Variants in MBD5 observed in about 807,000 individuals in gnomAD.
MBD5 encodes methyl-CpG-binding domain protein 5.
In MBD5, 13 loss-of-function variants were observed where a neutral mutation model predicts 117.3. That is an observed-to-expected ratio of 0.11 (90% CI 0.07 to 0.18). The LOEUF (loss-of-function observed/expected upper bound fraction) is 0.18. Among genes scored for constraint, MBD5 ranks in the 10% least tolerant of loss-of-function variants. MBD5 has a pLI of 1.00. For synonymous variants in MBD5, 727 were observed against 766.4 expected (o/e 0.95, Z 0.85); for missense variants, 1,879 against 2,093.8 (o/e 0.90, Z 2.00).
chr2:148,126,074 CCAGCCAGTG>C (rs1240973909), intron 1 of MBD5, among the ~76,000 whole-genome samples: 1 of 151,998 alleles, frequency 6.6e-6, no homozygotes, highest in East Asian at 1.9e-4. Context: ...TGTTTACTAG[CCAGCCAGTG>C]CATCATGGAG....
chr2:148,435,684 T>C (rs1387996571), intron 4 of MBD5, among the ~76,000 whole-genome samples: 3 of 152,162 alleles, frequency 2.0e-5, no homozygotes, highest in Non-Finnish European at 2.9e-5. Context: ...TTTTTTTCTC[T>C]CATTTCAACC....
intron 2 of MBD5, among the ~76,000 whole-genome samples, chr2:148,231,263 G>C (rs7570104): frequency 6.6e-6 from 1 of 151,890 alleles, no homozygotes; most frequent in Non-Finnish European, 1.5e-5. Context: ...GGCTAAACAG[G>C]CCTGGTTAAA....
intron 4 of MBD5, among the ~76,000 whole-genome samples, chr2:148,350,299 T>G (rs1392049463): frequency 6.6e-6 from 1 of 152,078 alleles, no homozygotes; most frequent in Non-Finnish European, 1.5e-5. Context: ...TTTTGTTTAA[T>G]TCATGTGCAC....
At chr2:148,172,254 T>G (rs1435402793) in intron 1 of MBD5, among the ~76,000 whole-genome samples, 1 of 152,196 alleles carries the variant, frequency 6.6e-6, no homozygotes, top group African/African-American at 2.4e-5. Context: ...ATCAGAAGCC[T>G]GGGAAGCCCA....
At chr2:148,442,252 T>A (rs1042328852) in intron 4 of MBD5, among the ~76,000 whole-genome samples, 2 of 151,462 alleles carry the variant, frequency 1.3e-5, no homozygotes, top group African/African-American at 4.9e-5. Flanking sequence ...GAGGGCTTGG[T>A]ATATGCCTAC....
intron 1 of MBD5, among the ~76,000 whole-genome samples, chr2:148,074,193 A>G (rs1328924144): frequency 2.6e-5 from 4 of 152,192 alleles, no homozygotes; most frequent in South Asian, 2.1e-4. Flanking sequence ...TGAAGCAGCA[A>G]TTATACTGCT....
intron 1 of MBD5, among the ~76,000 whole-genome samples, chr2:148,039,557 A>G (rs1694298672): frequency 6.6e-6 from 1 of 152,144 alleles, no homozygotes; most frequent in Non-Finnish European, 1.5e-5. Flanking sequence ...TAGTAAGCAG[A>G]AATGAGGGTA....
At chr2:148,088,178 A>C (rs984058342) in intron 1 of MBD5, among the ~76,000 whole-genome samples, 13 of 152,196 alleles carry the variant, frequency 8.5e-5, no homozygotes, top group Admixed American at 4.6e-4. Flanking sequence ...AAAAGAATTT[A>C]AAGACATAAA....
intron 1 of MBD5, among the ~76,000 whole-genome samples, chr2:148,156,603 A>G (rs1486795784): frequency 6.6e-6 from 1 of 152,240 alleles, no homozygotes; most frequent in Non-Finnish European, 1.5e-5. Flanking sequence ...TACATGTTTA[A>G]CTTCTCCACT....
At chr2:148,295,616 G>A (rs745853136) in intron 3 of MBD5, 1 of 152,550 alleles carries the variant, frequency 6.6e-6, no homozygotes, top group Non-Finnish European at 1.5e-5. Flanking sequence ...CAATATCTGA[G>A]GTCAATACAT....
intron 3 of MBD5, among the ~76,000 whole-genome samples, chr2:148,261,458 A>G (rs1700731152): frequency 6.6e-6 from 1 of 152,172 alleles, no homozygotes; most frequent in African/African-American, 2.4e-5. Context: ...CTTAAACCTC[A>G]TGAACCACCT....
chr2:148,463,223 G>T (rs1211919880), intron 6 of MBD5, among the ~76,000 whole-genome samples: 1 of 152,026 alleles, frequency 6.6e-6, no homozygotes, highest in Non-Finnish European at 1.5e-5. Flanking sequence ...TAAAAGTAAA[G>T]GTTAGACAAT....
At chr2:148,408,516 A>G (rs1705149785) in intron 4 of MBD5, among the ~76,000 whole-genome samples, 1 of 152,220 alleles carries the variant, frequency 6.6e-6, no homozygotes, top group South Asian at 2.1e-4. Context: ...ATTATAATCT[A>G]TAGAATTCCA....
At chr2:148,323,464 A>G (rs1251582845) in intron 3 of MBD5, among the ~76,000 whole-genome samples, 1 of 151,998 alleles carries the variant, frequency 6.6e-6, no homozygotes, top group East Asian at 1.9e-4. Flanking sequence ...TCCCACCAAC[A>G]GTGTAAAAGT....
chr2:148,499,983 T>G (rs1010638643), intron 11 of MBD5, among the ~76,000 whole-genome samples: 3 of 152,186 alleles, frequency 2.0e-5, no homozygotes, highest in African/African-American at 7.2e-5. Flanking sequence ...CACAGTGATA[T>G]ATATCTTACT....
At chr2:148,389,523 A>C (rs1287312341) in intron 4 of MBD5, among the ~76,000 whole-genome samples, 1 of 151,276 alleles carries the variant, frequency 6.6e-6, no homozygotes, top group Non-Finnish European at 1.5e-5. Flanking sequence ...TTTCTATAGG[A>C]ATTGAAGTAA....
intron 13 of MBD5, among the ~76,000 whole-genome samples, chr2:148,510,402 G>T (rs1043362438): frequency 6.6e-6 from 1 of 152,178 alleles, no homozygotes; most frequent in African/African-American, 2.4e-5. Context: ...AAATATTGAA[G>T]TTCAAACCAC....
At position 148,389,296 on chromosome 2, in the gene MBD5, AT is replaced by A. The variant is rs1704490333; in HGVS notation, c.-557+46961del. On this transcript the variant is annotated intron_variant, in intron 4 of 13. Transcript: ENST00000642680. ...TATATATATATATATATATATATAT[AT>A]ATATATAACATTTTCTTTATCCAAC... is the stretch of plus-strand genomic sequence containing the variant. Among the ~76,000 whole-genome samples the A allele has an allele frequency of 7.9e-5, 8 of 100,726 alleles. No homozygotes were observed. In the East Asian group the frequency reaches 1.4e-3, roughly 17 times the overall value. 66.1% of individuals were successfully genotyped at this position (100,726 alleles called of 152,430 possible).
intron 4 of MBD5, among the ~76,000 whole-genome samples, chr2:148,428,958 C>T (rs182644261): frequency 1.9e-4 from 29 of 152,224 alleles, no homozygotes; most frequent in African/African-American, 7.0e-4. Flanking sequence ...GACCAAAACA[C>T]CAAAAGCAAT....
Sources: allele counts gnomAD v4.1 joint callset (sites outside exome capture counted in the v4.1 genomes callset), GRCh38; gene constraint gnomAD v4.1.1; transcripts MANE v1.5; gene names NCBI Gene and HGNC (gene_info 2026-07-23, HGNC 2026-07-21).